The following CDH6 variants were observed in gnomAD, a reference collection of about 807,000 sequenced individuals.
CDH6 encodes cadherin-6.
Under a neutral mutation model 78.0 loss-of-function variants are expected in CDH6, and 31 were observed. That is an observed-to-expected ratio of 0.40 (90% CI 0.30 to 0.54). The LOEUF (loss-of-function observed/expected upper bound fraction) is 0.54, where lower values mean the gene tolerates loss of function less well. Ranked by LOEUF, CDH6 falls within the 20% of genes least tolerant of loss-of-function variation. CDH6 has a pLI of 0.56. For missense variants in CDH6, 724 were observed against 975.9 expected, an observed-to-expected ratio of 0.74 and a Z score of 3.44; for synonymous variants, 376 against 368.8, an observed-to-expected ratio of 1.02 and a Z score of -0.23.
At position 31,317,800 on chromosome 5, in the gene CDH6, C is replaced by T; in HGVS notation, c.1758C>T (p.Val586=). 6.2e-7 allele frequency: 1 copy of T among 1,614,194 alleles called. No individual in the cohort carries two copies. ...AAAGCAGCACTGGGACAGTGACTGT[C>T]CGGGTCTGTGCATGTGACCACCACG... ...PVQSSTGTVT[V]RVCACDHHGN... The change falls in exon 11 of 12, where the codon GTC becomes GTT. Residue 586 remains valine (V), a synonymous_variant. Coordinates refer to ENST00000265071, the MANE Select transcript of CDH6 (RefSeq NM_004932.4).
intron 7 of CDH6, among the ~76,000 whole-genome samples, chr5:31,309,156 T>C (rs538879911): frequency 3.5e-4 from 54 of 152,280 alleles, no homozygotes; most frequent in Non-Finnish European, 6.8e-4. Flanking sequence ...CATAAGTTTA[T>C]GTACATTGAA....
Position 31,316,324 on chromosome 5 carries a change from G to A in CDH6, c.1507G>A (p.Asp503Asn), listed in dbSNP as rs754659106. Residue 503 changes from aspartate to asparagine, a missense_variant, in exon 9 of 12, where the codon GAT (aspartate) becomes AAT (asparagine). By Grantham distance (23) the Asp-to-Asn change is conservative (BLOSUM62 1). Coordinates refer to ENST00000265071, the MANE Select transcript of CDH6 (RefSeq NM_004932.4). ...TTTTGTCTGTGAAAAAGCAAAGGCA[G>A]ATCAGGTGAGTTTCATTAAAAAGTA... ...ETFVCEKAKA[D>N]QLIQTLHAVD... is the part of the protein sequence containing the mutation. 15 of 1,609,040 alleles carry A rather than the reference G, an allele frequency of 9.3e-6. No homozygotes were observed. Among genetic ancestry groups the A allele is most frequent in the Middle Eastern group, 1.7e-4 (1 of 6,022 alleles).
In CDH6 at chr5:31,326,148, AG is replaced by A. The variant is rs1168481762; in HGVS notation, c.*2841del. On this transcript the variant is annotated 3_prime_UTR_variant, in exon 12 of 12. Coordinates refer to ENST00000265071, the MANE Select transcript of CDH6 (RefSeq NM_004932.4). ...TTGGTGATGGGAAAGATGGAAGGAG[AG>A]TGGGAAGAAGTAAAATTTTAATATT... The A allele has an allele frequency of 4.4e-6, 1 of 229,512 alleles. No homozygotes were observed. The highest frequency in any genetic ancestry group is 2.2e-5 in the African/African-American group (1 of 45,148). The allele number at this position is 229,512 out of a possible 1,614,324, so 14.2% of individuals were successfully genotyped here.
chr5:31,268,727 C>A (rs1249809147), intron 2 of CDH6, among the ~76,000 whole-genome samples: 1 of 152,166 alleles, frequency 6.6e-6, no homozygotes, highest in East Asian at 1.9e-4. Flanking sequence ...AAAAAACATA[C>A]ACTTTGCAGA....
intron 2 of CDH6, among the ~76,000 whole-genome samples, chr5:31,283,063 T>A (rs867867390): frequency 6.6e-6 from 1 of 152,148 alleles, no homozygotes. Context: ...TTAAGTTTGA[T>A]CAATGTTCTC....
intron 2 of CDH6, among the ~76,000 whole-genome samples, chr5:31,290,339 G>A (rs974738554): frequency 5.9e-5 from 9 of 152,184 alleles, no homozygotes; most frequent in Non-Finnish European, 1.3e-4. Flanking sequence ...AAATGCTACA[G>A]GTACAGTAGT....
At chr5:31,224,369 A>T (rs958709016) in intron 1 of CDH6, among the ~76,000 whole-genome samples, 8 of 152,118 alleles carry the variant, frequency 5.3e-5, no homozygotes, top group African/African-American at 1.9e-4. Context: ...TCAAGATGAG[A>T]TCTGGGTGGG....
At chr5:31,287,578 A>G (rs1267679135) in intron 2 of CDH6, among the ~76,000 whole-genome samples, 1 of 152,188 alleles carries the variant, frequency 6.6e-6, no homozygotes, top group Non-Finnish European at 1.5e-5. Flanking sequence ...GAGGTTAACT[A>G]AGTTCCCCAA....
At chr5:31,212,064 CTAAGTA>C (rs531870528) in intron 1 of CDH6, among the ~76,000 whole-genome samples, 168 of 152,286 alleles carry the variant, frequency 1.1e-3, no homozygotes, top group South Asian at 1.9e-3. Flanking sequence ...AGTTGACTGT[CTAAGTA>C]TAAGAACTAC....
intron 1 of CDH6, among the ~76,000 whole-genome samples, chr5:31,259,454 G>T (rs1742152020): frequency 6.6e-6 from 1 of 152,204 alleles, no homozygotes; most frequent in African/African-American, 2.4e-5. Context: ...AGAAGAGCTA[G>T]CTCATAGAAA....
chr5:31,257,019 A>T (rs557409111), intron 1 of CDH6, among the ~76,000 whole-genome samples: 311 of 152,338 alleles, frequency 2.0e-3, no homozygotes, highest in Middle Eastern at 0.017. Flanking sequence ...CCTTTTATTT[A>T]TTCTGCACAT....
In CDH6 at chr5:31,328,934, C is replaced by T. The variant is rs1415093950; in HGVS notation, c.*5626C>T. 1 of 221,530 alleles carries T rather than the reference C, an allele frequency of 4.5e-6. No homozygotes were observed. The highest frequency in any genetic ancestry group is 9.0e-6 in the Non-Finnish European group (1 of 110,812). The allele number at this position is 221,530 out of a possible 1,614,324, so 13.7% of individuals were successfully genotyped here. On this transcript the variant is annotated 3_prime_UTR_variant, in exon 12 of 12. Transcript: ENST00000265071. Reference sequence around the variant, plus strand: ...GGGTCGAGAGTATTACCTTTTAGCTCAGTGTGGCCGGGCCTTTTGTTGCAG... The same window carrying T: ...GGGTCGAGAGTATTACCTTTTAGCTTAGTGTGGCCGGGCCTTTTGTTGCAG...
At chr5:31,204,706 A>G (rs1380480812) in intron 1 of CDH6, among the ~76,000 whole-genome samples, 1 of 152,158 alleles carries the variant, frequency 6.6e-6, no homozygotes, top group Non-Finnish European at 1.5e-5. Context: ...GGCTGGTTAG[A>G]GAAACCAATC....
intron 1 of CDH6, among the ~76,000 whole-genome samples, chr5:31,217,001 T>C (rs1579823466): frequency 1.3e-5 from 2 of 152,112 alleles, no homozygotes; most frequent in South Asian, 4.1e-4. Flanking sequence ...GCTGTTGTGC[T>C]CTCTGAGCAG....
intron 3 of CDH6, among the ~76,000 whole-genome samples, chr5:31,295,577 G>A (rs1737560971): frequency 6.6e-6 from 1 of 152,176 alleles, no homozygotes; most frequent in South Asian, 2.1e-4. Flanking sequence ...CAGTTATGGT[G>A]ACATTGATCA....
intron 1 of CDH6, among the ~76,000 whole-genome samples, chr5:31,198,684 C>T (rs1363565972): frequency 6.6e-5 from 10 of 152,056 alleles, no homozygotes; most frequent in Admixed American, 5.9e-4. Flanking sequence ...GAGATGAGGA[C>T]GTAAATTTTT....
chr5:31,314,130 C>A (rs1054478386), intron 8 of CDH6, among the ~76,000 whole-genome samples: 1 of 152,014 alleles, frequency 6.6e-6, no homozygotes, highest in African/African-American at 2.4e-5. Context: ...GGCTGAAGAA[C>A]ATAAGTGAAA....
chr5:31,224,102 A>G (rs1275745588), intron 1 of CDH6, among the ~76,000 whole-genome samples: 1 of 152,220 alleles, frequency 6.6e-6, no homozygotes, highest in African/African-American at 2.4e-5. Flanking sequence ...GGAAATTTAC[A>G]AAAGAAAGAG....
chr5:31,269,152 A>G lies in CDH6; in HGVS notation c.228+1451A>G, dbSNP rs79630803. Among the ~76,000 whole-genome samples, 766 of 152,282 alleles carry G rather than the reference A, an allele frequency of 5.0e-3. 3 individuals carry two copies. The highest frequency in any genetic ancestry group is 0.015 in the Admixed American group (222 of 15,288). On this transcript the variant is annotated intron_variant, in intron 2 of 11. Coordinates refer to ENST00000265071, the MANE Select transcript of CDH6 (RefSeq NM_004932.4). ...TTACAACACAAATAGCATTGTTGCC[A>G]TAGAAGATTAAGTTTTAAAAAGTGC...
Sources: allele counts gnomAD v4.1 joint callset (sites outside exome capture counted in the v4.1 genomes callset), GRCh38; gene constraint gnomAD v4.1.1; transcripts MANE v1.5; gene names NCBI Gene and HGNC (gene_info 2026-07-23, HGNC 2026-07-21).